Variants in SPDYE3 observed in about 807,000 individuals in gnomAD.
SPDYE3 encodes the protein speedy protein E3.
A neutral mutation model predicts 55.0 loss-of-function variants in SPDYE3; 15 were observed. The observed-to-expected ratio is 0.27, with a 90% CI of 0.18 to 0.42. SPDYE3 has a LOEUF of 0.42. Among genes scored for constraint, SPDYE3 ranks in the 10% least tolerant of loss-of-function variants. The pLI, the probability that SPDYE3 is intolerant of heterozygous loss-of-function variation, is 1.00. For synonymous variants in SPDYE3, 89 were observed against 229.9 expected, an observed-to-expected ratio of 0.39 and a Z score of 5.55; for missense variants, 236 against 576.7, an observed-to-expected ratio of 0.41 and a Z score of 6.05.
intron 8 of SPDYE3, among the ~76,000 whole-genome samples, chr7:100,318,498 C>A (rs1380733640): frequency 5.3e-5 from 8 of 152,194 alleles, no homozygotes; most frequent in Non-Finnish European, 1.2e-4. Flanking sequence ...GTGTCCCACA[C>A]ACATGTGGTT....
At chr7:100,318,346 G>GT (rs1789487598) in intron 8 of SPDYE3, among the ~76,000 whole-genome samples, 1 of 152,040 alleles carries the variant, frequency 6.6e-6, no homozygotes, top group African/African-American at 2.4e-5. Context: ...TCTCTATCGA[G>GT]GCCAGGGTCC....
intron 1 of SPDYE3, 142 bp downstream of exon 1, chr7:100,308,133 C>T: frequency 8.9e-7 from 1 of 1,125,402 alleles, no homozygotes; most frequent in East Asian, 3.6e-5. Flanking sequence ...AGTTCAAGAC[C>T]AGCCTGGCCA....
intron 4 of SPDYE3, among the ~76,000 whole-genome samples, chr7:100,312,384 C>T (rs1461889555): frequency 2.0e-5 from 3 of 147,560 alleles, no homozygotes; most frequent in Non-Finnish European, 4.5e-5. Flanking sequence ...GTAGTTCCAG[C>T]TACTCGGGAG....
chr7:100,318,296 C>A (rs1806158874), intron 8 of SPDYE3, among the ~76,000 whole-genome samples: 1 of 152,154 alleles, frequency 6.6e-6, no homozygotes, highest in African/African-American at 2.4e-5. Context: ...AGCACGACAA[C>A]CTCACTGCCC....
chr7:100,315,850 T>A lies in SPDYE3; in HGVS notation c.1260+7T>A. 1 of 1,599,964 alleles carries A rather than the reference T, an allele frequency of 6.3e-7. No individual in the cohort carries two copies. The highest frequency in any genetic ancestry group is 8.5e-7 in the Non-Finnish European group (1 of 1,179,706). On this transcript the variant is annotated splice_region_variant and intron_variant, in intron 7 of 10. Transcript: ENST00000332397. The stretch of plus-strand genomic sequence containing the variant: ...TCTGAGGGTGTCAGACAAGGTAAGG[T>A]TGTTCTCTATGTAACTGTGTTCCTG...
chr7:100,316,837 G>A (rs193283189), intron 7 of SPDYE3, among the ~76,000 whole-genome samples: 3 of 152,182 alleles, frequency 2.0e-5, no homozygotes, highest in Admixed American at 2.0e-4. Flanking sequence ...AGATCCCATC[G>A]GAGCCCACCA....
intron 1 of SPDYE3, 24 bp downstream of exon 1, chr7:100,308,015 G>A (rs1172177973): frequency 5.2e-6 from 8 of 1,533,974 alleles, no homozygotes; most frequent in Admixed American, 2.0e-5. Flanking sequence ...AGGAAGAAGA[G>A]GTGGCATAGG....
rs1468725433 is a variant in SPDYE3 at position 100,309,450 on chromosome 7, G to T, written c.325+258G>T. ...TGGCTCCCGCCTGAGATCCCAGCAC[G>T]TTGGGAGGCTGAGGCAAGAGGATTG... On this transcript the variant is annotated intron_variant, in intron 2 of 10. Transcript: ENST00000332397. Among the ~76,000 whole-genome samples the T allele has an allele frequency of 5.2e-5, 7 of 133,402 alleles. 1 individual carries two copies. The highest frequency in any genetic ancestry group is 1.9e-4 in the African/African-American group (7 of 36,994). The allele number at this position is 133,402 out of a possible 152,430, so 87.5% of individuals were successfully genotyped here.
chr7:100,308,057 C>T (rs1805866102), intron 1 of SPDYE3, 66 bp downstream of exon 1: 17 of 1,484,608 alleles, frequency 1.1e-5, no homozygotes, highest in Non-Finnish European at 1.5e-5. Flanking sequence ...GGGCCAGGTG[C>T]GGTAGCTCAC....
At chr7:100,319,543 G>A (rs1253687558) in intron 8 of SPDYE3, 22 bp from the exon 9 acceptor site, 2 of 1,614,070 alleles carry the variant, frequency 1.2e-6, no homozygotes, top group South Asian at 2.2e-5. Context: ...CCCCTGAGCA[G>A]CAACCTGATT....
At chr7:100,320,743 A>G in intron 10 of SPDYE3, 148 bp from the exon 11 acceptor site, 1 of 1,098,968 alleles carries the variant, frequency 9.1e-7, no homozygotes, top group Non-Finnish European at 1.2e-6. Flanking sequence ...ACGATGGTTC[A>G]GAAGCAGGGT....
At chr7:100,313,855 C>G (rs916300978) in intron 5 of SPDYE3, among the ~76,000 whole-genome samples, 2 of 27,170 alleles carry the variant, frequency 7.4e-5, no homozygotes, top group Non-Finnish European at 1.5e-4. Flanking sequence ...CTACTGCACT[C>G]CAGTCTGGGT....
chr7:100,315,262 G>C (rs1003316911), intron 6 of SPDYE3, among the ~76,000 whole-genome samples: 1 of 152,062 alleles, frequency 6.6e-6, no homozygotes, highest in Non-Finnish European at 1.5e-5. Context: ...CTGGCCCACA[G>C]AGCAAGACTC....
Position 100,322,181 on chromosome 7 carries a change from TTTTA to T in SPDYE3, c.*1340_*1343del, listed in dbSNP as rs1469209808. The T allele has an allele frequency of 6.6e-6, 1 of 151,916 alleles. No homozygotes were observed. Among genetic ancestry groups the T allele is most frequent in the African/African-American group, 2.4e-5 (1 of 41,362 alleles). The allele number at this position is 151,916 out of a possible 1,614,324, so 9.4% of individuals were successfully genotyped here. A position where few individuals can be genotyped will look rare whatever the true frequency, so the allele number is the denominator to read the frequency against. On this transcript the variant is annotated 3_prime_UTR_variant, in exon 11 of 11. Transcript: ENST00000332397. Reference sequence around the variant, plus strand: ...CCCCTAAATTCTTGTAAAAATAAATTTTTATTTGATATTTAGTGTATGTTTGAAA... The same window carrying T: ...CCCCTAAATTCTTGTAAAAATAAATTTTTGATATTTAGTGTATGTTTGAAA...
chr7:100,308,078 C>G, intron 1 of SPDYE3, 87 bp downstream of exon 1: 1 of 1,437,258 alleles, frequency 7.0e-7, no homozygotes, highest in South Asian at 1.3e-5. Flanking sequence ...CCCTGTAACA[C>G]CAACACTTTG....
Position 100,319,582 on chromosome 7 carries a change from T to C in SPDYE3, c.1364T>C (p.Met455Thr), listed in dbSNP as rs769050671. The C allele has an allele frequency of 8.1e-6, 13 of 1,614,142 alleles. No individual in the cohort carries two copies. Among genetic ancestry groups the C allele is most frequent in the South Asian group, 2.2e-5 (2 of 91,084 alleles). The change falls in exon 9 of 11, where the codon ATG (methionine) becomes ACG (threonine). Residue 455 changes from methionine to threonine, a missense_variant. Physicochemically the swap from Met to Thr is moderately conservative, Grantham distance 81. Transcript: ENST00000332397. ...GTCCTCAGCTATCTGGCCAATGACA[T>C]GGAGGAGGACGACGAGGCCCCCAAA... ...FFLALYLAND[M>T]EEDDEAPKQK...
In SPDYE3 at chr7:100,319,719, T is replaced by A; in HGVS notation, c.1501T>A (p.Ser501Thr). ...GAACCCGAGGGCCAGGAAGAACTGC[T>A]CTCAGATAGCCTTGTTCCAGAAGCG... ...PMNPRARKNCSQIALFQKRRF... is the reference protein window; with the variant it reads ...PMNPRARKNCTQIALFQKRRF... Residue 501 changes from serine to threonine, a missense_variant, in exon 9 of 11, where the codon TCT (serine) becomes ACT (threonine). Coordinates refer to ENST00000332397, the MANE Select transcript of SPDYE3 (RefSeq NM_001004351.5). 6.2e-7 allele frequency: 1 copy of A among 1,614,188 alleles called. No homozygotes were observed. The highest frequency in any genetic ancestry group is 8.5e-7 in the Non-Finnish European group (1 of 1,180,024).
At chr7:100,315,674 G>C in intron 6 of SPDYE3, 111 bp from the exon 7 acceptor site, 1 of 1,553,932 alleles carries the variant, frequency 6.4e-7, no homozygotes, top group East Asian at 2.2e-5. Context: ...CCTCACCCGC[G>C]GCCACAATCC....
chr7:100,314,317 A>G (rs1318217975), intron 5 of SPDYE3: 9 of 544,372 alleles, frequency 1.7e-5, no homozygotes, highest in African/African-American at 1.5e-4. Flanking sequence ...CCAGGGAACG[A>G]TATGACGCAG....
Sources: allele counts gnomAD v4.1 joint callset (sites outside exome capture counted in the v4.1 genomes callset), GRCh38; gene constraint gnomAD v4.1.1; transcripts MANE v1.5; gene names NCBI Gene and HGNC (gene_info 2026-07-23, HGNC 2026-07-21).